Variants in RBFOX1 observed in about 807,000 individuals in gnomAD.
RBFOX1 encodes the protein RNA binding fox-1 homolog 1, also known as RNA binding protein fox-1 homolog 1.
RBFOX1 carries 8 observed loss-of-function variants against 57.7 expected under a neutral mutation model. The observed-to-expected ratio is 0.14, with a 90% confidence interval of 0.08 to 0.25. The LOEUF is 0.25. RBFOX1 is among the 10% of genes least tolerant of loss of function. The probability of loss-of-function intolerance (pLI) is 1.00; values close to 1 mark genes in which losing one functional copy is unlikely to be tolerated. For synonymous variants in RBFOX1, 326 were observed against 222.4 expected (o/e 1.47, Z -4.15); for missense variants, 611 against 548.5 (o/e 1.11, Z -1.14).
At chr16:5,616,624 C>T (rs1431464283) in intron 3 of RBFOX1, among the ~76,000 whole-genome samples, 1 of 148,242 alleles carries the variant, frequency 6.7e-6, no homozygotes, top group African/African-American at 2.5e-5. Context: ...TCTTCTCTCT[C>T]TCCCTCCTCC....
At chr16:5,966,039 A>AT (rs113353961) in intron 4 of RBFOX1, among the ~76,000 whole-genome samples, 225 of 151,840 alleles carry the variant, frequency 1.5e-3, no homozygotes, top group African/African-American at 5.1e-3. Context: ...GGTTTTCCTT[A>AT]TTTTTCGTCT....
rs561326577 is a variant in RBFOX1, at chr16:6,369,059, A to G, written c.-64+52002A>G. 3.9e-5 allele frequency among the ~76,000 whole-genome samples: 6 copies of G among 152,318 alleles called. 1 individual carries two copies. The South Asian group carries it at 1.2e-3, about 32-fold the overall frequency. On this transcript the variant is annotated intron_variant, in intron 2 of 15. Coordinates refer to ENST00000550418, the MANE Select transcript of RBFOX1 (RefSeq NM_018723.4). ...GGAAAATAATGTGAAACAAATTAGT[A>G]TATTTCTTAGGGATATATGTATATA...
chr16:5,707,970 T>C (rs1279941174), intron 3 of RBFOX1, among the ~76,000 whole-genome samples: 2 of 152,182 alleles, frequency 1.3e-5, no homozygotes, highest in Non-Finnish European at 2.9e-5. Context: ...GGGACCATAA[T>C]ACTCATCTCA....
chr16:5,436,476 G>A (rs955501744), intron 1 of RBFOX1, among the ~76,000 whole-genome samples: 5 of 152,142 alleles, frequency 3.3e-5, no homozygotes, highest in Non-Finnish European at 5.9e-5. Flanking sequence ...TACTTCTCTT[G>A]CAGAGATAAG....
chr16:5,697,691 G>A (rs1324500316), intron 3 of RBFOX1, among the ~76,000 whole-genome samples: 4 of 71,300 alleles, frequency 5.6e-5, no homozygotes, highest in African/African-American at 1.7e-4. Context: ...GCGCCACCAC[G>A]CTCGGCTAAT....
At chr16:5,566,227 T>C (rs998032390) in intron 2 of RBFOX1, among the ~76,000 whole-genome samples, 1 of 152,188 alleles carries the variant, frequency 6.6e-6, no homozygotes, top group Non-Finnish European at 1.5e-5. Flanking sequence ...CTTGGTCTCC[T>C]CCTTCCCAGT....
At chr16:6,522,861 C>T (rs2096527447) in intron 2 of RBFOX1, among the ~76,000 whole-genome samples, 1 of 152,112 alleles carries the variant, frequency 6.6e-6, no homozygotes, top group Non-Finnish European at 1.5e-5. Context: ...AAACTTCTCT[C>T]TCTAGCCACA....
chr16:7,014,794 G>C lies in RBFOX1; in HGVS notation c.-15-37263G>C, dbSNP rs556954671. 3.9e-5 allele frequency among the ~76,000 whole-genome samples: 6 copies of C among 152,120 alleles called. No individual in the cohort carries two copies. In the South Asian group the frequency reaches 8.3e-4, roughly 21 times the overall value. ...GGCTGGAGTGCAGTGGCACTGTCTC[G>C]GCTCACTGCAACCTCCGTCTCCAGG... On this transcript the variant is annotated intron_variant, in intron 3 of 15. Transcript: ENST00000550418.
intron 1 of RBFOX1, among the ~76,000 whole-genome samples, chr16:6,278,839 A>T (rs2076096493): frequency 6.6e-6 from 1 of 152,218 alleles, no homozygotes; most frequent in African/African-American, 2.4e-5. Flanking sequence ...TGTAAGGTTC[A>T]TAAAAGCCCA....
At chr16:5,627,672 C>G (rs1035778451) in intron 3 of RBFOX1, among the ~76,000 whole-genome samples, 9 of 152,102 alleles carry the variant, frequency 5.9e-5, no homozygotes, top group African/African-American at 2.2e-4. Flanking sequence ...TCCACAGATT[C>G]AACCAACTGA....
chr16:6,883,365 A>G (rs1217144720), intron 3 of RBFOX1, among the ~76,000 whole-genome samples: 1 of 152,200 alleles, frequency 6.6e-6, no homozygotes, highest in African/African-American at 2.4e-5. Context: ...GAGTATAATC[A>G]AGTAAATCAC....
At chr16:5,319,274 G>C (rs981208771) in intron 1 of RBFOX1, among the ~76,000 whole-genome samples, 1 of 152,246 alleles carries the variant, frequency 6.6e-6, no homozygotes, top group Admixed American at 6.5e-5. Context: ...GTGACCTGTA[G>C]AAGCTGAGAG....
chr16:6,300,654 G>A (rs2078705106), intron 1 of RBFOX1, among the ~76,000 whole-genome samples: 1 of 152,130 alleles, frequency 6.6e-6, no homozygotes, highest in African/African-American at 2.4e-5. Context: ...TCTGGCTCCG[G>A]AAAACTATTC....
intron 1 of RBFOX1, among the ~76,000 whole-genome samples, chr16:6,277,240 A>C (rs557250510): frequency 6.6e-6 from 1 of 152,052 alleles, no homozygotes; most frequent in African/African-American, 2.4e-5. Context: ...GCAGGCAGAT[A>C]ACTTCACCCT....
chr16:7,486,408 A>G (rs2065406666), intron 4 of RBFOX1, among the ~76,000 whole-genome samples: 1 of 151,860 alleles, frequency 6.6e-6, no homozygotes, highest in African/African-American at 2.4e-5. Context: ...AAGTGCTGGG[A>G]TTATAGGTGT....
chr16:6,475,064 A>G (rs1446199085), intron 2 of RBFOX1, among the ~76,000 whole-genome samples: 1 of 152,200 alleles, frequency 6.6e-6, no homozygotes, highest in Non-Finnish European at 1.5e-5. Flanking sequence ...GTGTGCTTAT[A>G]ATGTTTTAGT....
intron 2 of RBFOX1, among the ~76,000 whole-genome samples, chr16:5,550,597 A>G (rs750053152): frequency 6.6e-6 from 1 of 152,180 alleles, no homozygotes; most frequent in East Asian, 1.9e-4. Context: ...GATGTTGTCA[A>G]TTCAATCACC....
At chr16:6,643,035 C>T (rs2098505274) in intron 2 of RBFOX1, among the ~76,000 whole-genome samples, 1 of 152,120 alleles carries the variant, frequency 6.6e-6, no homozygotes, top group African/African-American at 2.4e-5. Context: ...ATTCTTTGCC[C>T]TGAAGCATCT....
At chr16:7,353,865 G>A (rs1316922573) in intron 4 of RBFOX1, among the ~76,000 whole-genome samples, 1 of 152,154 alleles carries the variant, frequency 6.6e-6, no homozygotes, top group Non-Finnish European at 1.5e-5. Context: ...TGATGAAAAT[G>A]TTCTGGAATT....
Sources: gnomAD v4.1 joint callset for allele counts (sites outside exome capture counted in the v4.1 genomes callset) on GRCh38, gnomAD v4.1.1 for gene constraint, MANE v1.5 for transcripts, NCBI Gene and HGNC (gene_info 2026-07-23, HGNC 2026-07-21) for gene names.